Variants in RASGRP3 observed in about 807,000 individuals in gnomAD.
The protein encoded by RASGRP3 is ras guanyl-releasing protein 3.
Under a neutral mutation model 82.7 loss-of-function variants are expected in RASGRP3, and 54 were observed. The observed-to-expected ratio is 0.65, with a 90% CI of 0.52 to 0.82. The LOEUF (loss-of-function observed/expected upper bound fraction) is 0.82, where lower values mean the gene tolerates loss of function less well. Among genes scored for constraint, RASGRP3 ranks in the 40% least tolerant of loss-of-function variants. The pLI is 0.00. For synonymous variants in RASGRP3, 309 were observed against 300.5 expected (o/e 1.03, Z -0.29); for missense variants, 861 against 828.9 (o/e 1.04, Z -0.48).
At chr2:33,548,693 G>T (rs191904694) in intron 13 of RASGRP3, among the ~76,000 whole-genome samples, 1 of 145,358 alleles carries the variant, frequency 6.9e-6, no homozygotes, top group East Asian at 1.9e-4. Flanking sequence ...GTGTCAAGTG[G>T]ATCCAATTAT....
chr2:33,539,996 AAAAAG>A (rs533865626), intron 12 of RASGRP3: 73,293 of 136,282 alleles, frequency 0.54, 18,966 homozygotes, highest in Middle Eastern at 0.61. Context: ...TGAAAAAAAA[AAAAAG>A]AAAAGAAAAG....
intron 2 of RASGRP3, among the ~76,000 whole-genome samples, chr2:33,456,014 T>C (rs1468306815): frequency 2.0e-5 from 3 of 152,232 alleles, no homozygotes; most frequent in African/African-American, 7.2e-5. Flanking sequence ...CATGGAAACA[T>C]TATTTTTCTT....
intron 1 of RASGRP3, among the ~76,000 whole-genome samples, chr2:33,497,033 T>C (rs6543718): frequency 0.11 from 16,735 of 152,232 alleles, 2,279 homozygotes; most frequent in African/African-American, 0.31. Context: ...GTAGCTTTTT[T>C]TCTTTTTCTC....
chr2:33,477,431 C>T (rs184012209), intron 1 of RASGRP3, among the ~76,000 whole-genome samples: 26 of 152,314 alleles, frequency 1.7e-4, no homozygotes, highest in African/African-American at 6.3e-4. Flanking sequence ...TTAAAATGTT[C>T]GGTTGCCGCT....
intron 13 of RASGRP3, among the ~76,000 whole-genome samples, chr2:33,548,835 C>A (rs1435957930): frequency 6.6e-6 from 1 of 152,040 alleles, no homozygotes; most frequent in African/African-American, 2.4e-5. Flanking sequence ...ATTATAGGCA[C>A]ACACCACCAC....
intron 14 of RASGRP3, among the ~76,000 whole-genome samples, chr2:33,550,078 T>C (rs753586815): frequency 3.3e-5 from 5 of 152,082 alleles, no homozygotes; most frequent in Non-Finnish European, 7.4e-5. Context: ...AATTAAGAGG[T>C]GCATTTATCT....
At chr2:33,550,152 G>C (rs182123500) in intron 14 of RASGRP3, among the ~76,000 whole-genome samples, 93 of 152,224 alleles carry the variant, frequency 6.1e-4, no homozygotes, top group Admixed American at 3.7e-3. Flanking sequence ...TCATGGCATG[G>C]TTCAATAATT....
At chr2:33,466,932 C>G (rs972670351) in intron 2 of RASGRP3, among the ~76,000 whole-genome samples, 1 of 152,104 alleles carries the variant, frequency 6.6e-6, no homozygotes, top group Non-Finnish European at 1.5e-5. Flanking sequence ...TTGCTGCTCA[C>G]TCGTTGTGGG....
intron 13 of RASGRP3, among the ~76,000 whole-genome samples, chr2:33,548,222 G>A (rs529938254): frequency 5.5e-4 from 84 of 151,874 alleles, no homozygotes; most frequent in South Asian, 4.6e-3. Flanking sequence ...TTAGCTGGGC[G>A]CAGTGGCGGG....
Position 33,558,959 on chromosome 2 carries a change from G to A in RASGRP3, c.1993G>A (p.Asp665Asn). The A allele has an allele frequency of 6.2e-7, 1 of 1,614,034 alleles. No homozygotes were observed. Among genetic ancestry groups the A allele is most frequent in the Admixed American group, 1.7e-5 (1 of 60,022 alleles). Reference sequence around the variant, plus strand: ...GAAGCCCAGGGTGCATGCTGGTGTGGATGTTGTAGACCGGGGCACGGAGTT... The same window carrying A: ...GAAGCCCAGGGTGCATGCTGGTGTGAATGTTGTAGACCGGGGCACGGAGTT... ...NEKPRVHAGV[D>N]VVDRGTEFEL... The change falls in exon 17 of 18, where the codon GAT (aspartate) becomes AAT (asparagine). Residue 665 changes from aspartate (D) to asparagine (N), a missense_variant. Asp to Asn is a conservative substitution (Grantham distance 23). Transcript: ENST00000403687.
At chr2:33,512,250 T>C (rs1246260764) in intron 2 of RASGRP3, among the ~76,000 whole-genome samples, 1 of 152,236 alleles carries the variant, frequency 6.6e-6, no homozygotes, top group Non-Finnish European at 1.5e-5. Context: ...GATGAGTCTT[T>C]GGTTCCAGGT....
chr2:33,564,383 A>G lies in RASGRP3; in HGVS notation c.*1646A>G, dbSNP rs976596148. 10 of 152,248 alleles carry G rather than the reference A, an allele frequency of 6.6e-5. No individual in the cohort carries two copies. Among genetic ancestry groups the G allele is most frequent in the African/African-American group, 1.9e-4 (8 of 41,460 alleles). The allele number at this position is 152,248 out of a possible 1,614,324, so 9.4% of individuals were successfully genotyped here. A position where few individuals can be genotyped will look rare whatever the true frequency, so the allele number is the denominator to read the frequency against. On this transcript the variant is annotated 3_prime_UTR_variant, in exon 18 of 18. Transcript: ENST00000403687. ...AAGCTGGATAATAAGAGAACGTGCC[A>G]TCTGTAAAGCACTCAGAAGGCAGCC...
intron 2 of RASGRP3, among the ~76,000 whole-genome samples, chr2:33,465,363 T>C (rs1156395521): frequency 6.6e-6 from 1 of 152,168 alleles, no homozygotes; most frequent in East Asian, 1.9e-4. Context: ...AGCAGAGGTT[T>C]GTTGATAAGG....
intron 13 of RASGRP3, among the ~76,000 whole-genome samples, chr2:33,548,300 G>C (rs1033984531): frequency 4.2e-5 from 6 of 143,994 alleles, no homozygotes; most frequent in African/African-American, 1.3e-4. Flanking sequence ...GGCGGAGCTT[G>C]CAGTGAGCCG....
At chr2:33,438,814 CATA>C (rs35980564) in intron 1 of RASGRP3, among the ~76,000 whole-genome samples, 5,896 of 152,234 alleles carry the variant, frequency 0.039, 170 homozygotes, top group Middle Eastern at 0.082. Context: ...TTACAGTTTA[CATA>C]ATAATAGAGC....
intron 2 of RASGRP3, among the ~76,000 whole-genome samples, chr2:33,470,396 T>C (rs1666983492): frequency 7.7e-6 from 1 of 129,714 alleles, no homozygotes; most frequent in Non-Finnish European, 1.7e-5. Context: ...TTTTTTTTTT[T>C]TGAGATGGAG....
chr2:33,529,503 CAGG>C (rs1227045674), intron 10 of RASGRP3, among the ~76,000 whole-genome samples: 5 of 46,106 alleles, frequency 1.1e-4, no homozygotes, highest in Admixed American at 2.1e-4. Context: ...AAAAAAAATT[CAGG>C]AGTACAAATG....
At chr2:33,541,113 A>T (rs934338586) in intron 12 of RASGRP3, among the ~76,000 whole-genome samples, 1 of 147,396 alleles carries the variant, frequency 6.8e-6, no homozygotes, top group African/African-American at 2.4e-5. Flanking sequence ...GTGTTTGCAG[A>T]AAGAACTTAC....
intron 2 of RASGRP3, among the ~76,000 whole-genome samples, chr2:33,468,020 CTT>C (rs1270704040): frequency 7.6e-6 from 1 of 132,222 alleles, no homozygotes; most frequent in Non-Finnish European, 1.5e-5. Context: ...TTCTTTCTTT[CTT>C]TCTTTCTTTC....
Sources: gnomAD v4.1 joint callset for allele counts (sites outside exome capture counted in the v4.1 genomes callset) on GRCh38, gnomAD v4.1.1 for gene constraint, MANE v1.5 for transcripts, NCBI Gene and HGNC (gene_info 2026-07-23, HGNC 2026-07-21) for gene names.